The following GPA33 variants were observed in gnomAD, a reference collection of about 807,000 sequenced individuals.
GPA33 encodes the protein cell surface A33 antigen.
In GPA33, 27 loss-of-function variants were observed where a neutral mutation model predicts 35.6. That is an observed-to-expected ratio of 0.76 (90% confidence interval 0.56 to 1.04). GPA33 has a LOEUF of 1.04. GPA33 is among the 50% of genes least tolerant of loss of function. GPA33 has a pLI of 0.00. For synonymous variants in GPA33, 176 were observed against 164.0 expected (o/e 1.07, Z -0.56); for missense variants, 428 against 411.9 (o/e 1.04, Z -0.34).
In GPA33 at chr1:167,068,998, G is replaced by C. The variant is rs772967250; in HGVS notation, c.339C>G (p.Gly113=). The C allele has an allele frequency of 1.6e-5, 26 of 1,614,044 alleles. 1 individual carries two copies. The South Asian group carries it at 2.6e-4, about 16-fold the overall frequency. ...TCAGCGAGACAGAACACTCGTAGGTGCCGTTGTCAGCCATGGTCAGCTGAT... is the reference window on the plus strand; with the variant it reads ...TCAGCGAGACAGAACACTCGTAGGTCCCGTTGTCAGCCATGGTCAGCTGAT... ...TIDQLTMADN[G]TYECSVSLMS... The change falls in exon 3 of 7, where the codon GGC becomes GGG. Residue 113 remains glycine, a synonymous_variant. Coordinates refer to ENST00000367868, the MANE Select transcript of GPA33 (RefSeq NM_005814.3).
chr1:167,077,604 C>T (rs954326035), intron 1 of GPA33, among the ~76,000 whole-genome samples: 1 of 152,184 alleles, frequency 6.6e-6, no homozygotes, highest in Non-Finnish European at 1.5e-5. Context: ...CAAATTCTAT[C>T]TGATAGTAAC....
chr1:167,059,981 C>T (rs774492709), intron 4 of GPA33, among the ~76,000 whole-genome samples: 50 of 152,328 alleles, frequency 3.3e-4, no homozygotes, highest in Non-Finnish European at 5.3e-4. Flanking sequence ...CTCTCCAAAT[C>T]GTCCATGGTG....
intron 1 of GPA33, among the ~76,000 whole-genome samples, chr1:167,089,247 G>A (rs1667111353): frequency 6.6e-6 from 1 of 152,146 alleles, no homozygotes; most frequent in East Asian, 1.9e-4. Flanking sequence ...TGAGCTGTAG[G>A]CCCCGTGGCC....
At chr1:167,067,926 T>C (rs1666634849) in intron 3 of GPA33, among the ~76,000 whole-genome samples, 1 of 152,180 alleles carries the variant, frequency 6.6e-6, no homozygotes, top group South Asian at 2.1e-4. Context: ...CTACCTGTGT[T>C]GCCATTGGCT....
At chr1:167,075,574 G>A (rs73028886) in intron 1 of GPA33, among the ~76,000 whole-genome samples, 10,401 of 152,256 alleles carry the variant, frequency 0.068, 798 homozygotes, top group African/African-American at 0.19. Flanking sequence ...TTGAGGACTT[G>A]CAAAGTTTGA....
intron 1 of GPA33, among the ~76,000 whole-genome samples, chr1:167,082,903 C>G (rs773423085): frequency 6.6e-6 from 1 of 152,092 alleles, no homozygotes; most frequent in African/African-American, 2.4e-5. Flanking sequence ...GGAAACACCT[C>G]AGGAAGGAGG....
At chr1:167,068,558 CT>C in intron 3 of GPA33, among the ~76,000 whole-genome samples, 1 of 152,272 alleles carries the variant, frequency 6.6e-6, no homozygotes, top group East Asian at 1.9e-4. Context: ...ATGTGGCCCC[CT>C]GAGCACCCAA....
rs76170587 is a variant in GPA33, at chr1:167,054,049, G to A, written c.*285C>T. 968 of 429,428 alleles carry A rather than the reference G, an allele frequency of 2.3e-3. 3 individuals carry two copies. The highest frequency in any genetic ancestry group is 2.7e-3 in the Non-Finnish European group (640 of 236,000). The allele number at this position is 429,428 out of a possible 1,614,324, so 26.6% of individuals were successfully genotyped here. A position where few individuals can be genotyped will look rare whatever the true frequency, so the allele number is the denominator to read the frequency against. ...GCTTCCAGGAGCTCCTGCCAACTAC[G>A]AGGGAAGTGGAGGCTGCAGCCTGGT... On this transcript the variant is annotated 3_prime_UTR_variant, in exon 7 of 7. Transcript: ENST00000367868.
At position 167,061,586 on chromosome 1, in the gene GPA33, G is replaced by GTTTTT. The variant is rs397981830; in HGVS notation, c.571+1991_571+1995dup. On this transcript the variant is annotated intron_variant, in intron 4 of 6. Coordinates refer to ENST00000367868, the MANE Select transcript of GPA33 (RefSeq NM_005814.3). Reference sequence around the variant, plus strand: ...TTAGGTCGAGTGGATTCTACTAACTGTTTTTTTTTTTTTTTTTTTTTTTTT... The same window carrying GTTTTT: ...TTAGGTCGAGTGGATTCTACTAACTGTTTTTTTTTTTTTTTTTTTTTTTTTTTTTT... Among the ~76,000 whole-genome samples the GTTTTT allele has an allele frequency of 1.2e-3, 91 of 74,630 alleles. 16 individuals are homozygous for GTTTTT. Among genetic ancestry groups the GTTTTT allele is most frequent in the African/African-American group, 1.9e-3 (34 of 17,816 alleles). The allele number at this position is 74,630 out of a possible 152,430, so 49.0% of individuals were successfully genotyped here. A position where few individuals can be genotyped will look rare whatever the true frequency, so the allele number is the denominator to read the frequency against.
chr1:167,059,354 C>T (rs1299334572), intron 4 of GPA33, among the ~76,000 whole-genome samples: 1 of 152,162 alleles, frequency 6.6e-6, no homozygotes, highest in Non-Finnish European at 1.5e-5. Flanking sequence ...AAGGGGAATG[C>T]ACAGGACGGT....
chr1:167,077,700 T>G (rs987530959), intron 1 of GPA33, among the ~76,000 whole-genome samples: 3 of 152,200 alleles, frequency 2.0e-5, no homozygotes, highest in African/African-American at 7.2e-5. Context: ...TCACTCAAGA[T>G]TAAAGGAATG....
chr1:167,070,124 G>A (rs1017095491), intron 2 of GPA33, among the ~76,000 whole-genome samples: 17 of 152,186 alleles, frequency 1.1e-4, no homozygotes, highest in African/African-American at 3.4e-4. Context: ...AGGGCTGGGG[G>A]TATTGGGAGA....
At chr1:167,062,939 A>G (rs1371635887) in intron 4 of GPA33, among the ~76,000 whole-genome samples, 1 of 152,138 alleles carries the variant, frequency 6.6e-6, no homozygotes, top group Non-Finnish European at 1.5e-5. Context: ...TCTCAAATGT[A>G]TACTTCAGGA....
At chr1:167,056,816 G>GTGTGTGTGAT (rs1558002170) in intron 4 of GPA33, among the ~76,000 whole-genome samples, 5 of 95,384 alleles carry the variant, frequency 5.2e-5, no homozygotes, top group East Asian at 3.5e-4. Context: ...TGTGTATGTG[G>GTGTGTGTGAT]CAGCGTTTGT....
chr1:167,054,580 C>A, intron 6 of GPA33, 114 bp from the exon 7 acceptor site: 1 of 1,302,190 alleles, frequency 7.7e-7, no homozygotes, highest in South Asian at 1.3e-5. Context: ...TCCCCACCCA[C>A]CAGCTGCAGA....
chr1:167,075,618 T>A (rs1388636126), intron 1 of GPA33, among the ~76,000 whole-genome samples: 1 of 152,104 alleles, frequency 6.6e-6, no homozygotes, highest in Non-Finnish European at 1.5e-5. Flanking sequence ...GAGGTGGCAA[T>A]GAGGCAGTTA....
intron 4 of GPA33, among the ~76,000 whole-genome samples, chr1:167,056,780 T>A (rs1357971571): frequency 0.017 from 22 of 1,308 alleles, no homozygotes; most frequent in Non-Finnish European, 0.019. Flanking sequence ...GTGTGTGGCA[T>A]GTGTAGTGTG....
At chr1:167,070,801 G>A (rs551851740) in intron 2 of GPA33, among the ~76,000 whole-genome samples, 18 of 152,136 alleles carry the variant, frequency 1.2e-4, no homozygotes, top group Admixed American at 3.9e-4. Context: ...TGAAAGTGGG[G>A]GCACCAATGA....
At chr1:167,082,129 C>A in intron 1 of GPA33, 1 of 396,652 alleles carries the variant, frequency 2.5e-6, no homozygotes, top group Non-Finnish European at 4.9e-6. Flanking sequence ...GGGAATAAAG[C>A]AGGATGCAAA....
Sources: gnomAD v4.1 joint callset for allele counts (sites outside exome capture counted in the v4.1 genomes callset) on GRCh38, gnomAD v4.1.1 for gene constraint, MANE v1.5 for transcripts, NCBI Gene and HGNC (gene_info 2026-07-23, HGNC 2026-07-21) for gene names.